PCNT: variants seen among roughly 807,000 people sequenced by gnomAD.
PCNT encodes the protein pericentrin, also known as kendrin.
PCNT carries 319 observed loss-of-function variants against 380.4 expected under a neutral mutation model. That is an observed-to-expected ratio of 0.84 (90% CI 0.77 to 0.92). PCNT has a LOEUF of 0.92. Ranked by LOEUF, PCNT falls within the 40% of genes least tolerant of loss-of-function variation. The pLI, the probability that PCNT is intolerant of heterozygous loss-of-function variation, is 0.00. For missense variants in PCNT, 4,400 were observed against 4,255.3 expected (o/e 1.03, Z -0.95); for synonymous variants, 1,845 against 1,735.2 (o/e 1.06, Z -1.57).
At chr21:46,442,815 G>A (rs1295593545) in intron 44 of PCNT, 1 of 580,698 alleles carries the variant, frequency 1.7e-6, no homozygotes, top group Non-Finnish European at 3.1e-6. Flanking sequence ...ACACTGAGAT[G>A]CTCAATATAT....
At chr21:46,404,748 G>A (rs2086574312) in intron 27 of PCNT, among the ~76,000 whole-genome samples, 1 of 152,180 alleles carries the variant, frequency 6.6e-6, no homozygotes, top group African/African-American at 2.4e-5. Context: ...TCAGGAGTTC[G>A]AGACCAGCCT....
rs1232056282 is a variant in PCNT at position 46,397,532 on chromosome 21, A to G, written c.4446+38A>G. 3.9e-6 allele frequency: 6 copies of G among 1,547,000 alleles called. No homozygotes were observed. The East Asian group carries it at 9.0e-5, about 23-fold the overall frequency. On this transcript the variant is annotated intron_variant, in intron 22 of 46. Transcript: ENST00000359568. ...AATAATACATTTTTTTGCATCACTA[A>G]AAGTTGCCGTTACAGCATGAACTTC... is the stretch of plus-strand genomic sequence containing the variant.
At chr21:46,371,892 A>G (rs1021990733) in intron 15 of PCNT, among the ~76,000 whole-genome samples, 2 of 150,362 alleles carry the variant, frequency 1.3e-5, no homozygotes, top group African/African-American at 2.5e-5. Flanking sequence ...ATGCACACAC[A>G]GCACATACAC....
intron 31 of PCNT, among the ~76,000 whole-genome samples, chr21:46,419,565 T>G (rs146779348): frequency 6.6e-6 from 1 of 152,210 alleles, no homozygotes; most frequent in Non-Finnish European, 1.5e-5. Flanking sequence ...GCAGAGCCGC[T>G]GGGAGCGTGC....
At chr21:46,423,363 G>A (rs2087337659) in intron 32 of PCNT, among the ~76,000 whole-genome samples, 2 of 151,242 alleles carry the variant, frequency 1.3e-5, no homozygotes, top group South Asian at 4.2e-4. Flanking sequence ...GCTAATTTTT[G>A]TATTTTCTGT....
At position 46,436,082 on chromosome 21, in the gene PCNT, C is replaced by T. The variant is rs146657011; in HGVS notation, c.8930C>T (p.Ala2977Val). ...CGGGAACAGCAGCGAGAGCTGGAGG[C>T]GATGAGGCAGCGGCTGCTCTCTGCC... ...HLREQQRELE[A>V]MRQRLLSAAR... The change falls in exon 39 of 47, where the codon GCG becomes GTG. Residue 2977 changes from alanine (A) to valine (V), a missense_variant. Physicochemically the swap from Ala to Val is moderately conservative, Grantham distance 64. Coordinates refer to ENST00000359568, the MANE Select transcript of PCNT (RefSeq NM_006031.6). 758 of 1,612,724 alleles carry T rather than the reference C, an allele frequency of 4.7e-4. 5 individuals are homozygous for T. The East Asian group carries it at 0.013, about 27-fold the overall frequency.
At chr21:46,421,756 T>C (rs931686389) in intron 31 of PCNT, among the ~76,000 whole-genome samples, 3 of 152,210 alleles carry the variant, frequency 2.0e-5, no homozygotes, top group African/African-American at 7.2e-5. Context: ...ACCTGTGAAG[T>C]TGCGTTTTCT....
chr21:46,373,155 G>A (rs2147025518), intron 15 of PCNT, among the ~76,000 whole-genome samples: 1 of 152,226 alleles, frequency 6.6e-6, no homozygotes, highest in East Asian at 1.9e-4. Flanking sequence ...TGAGTAGCTG[G>A]GACTACAGAT....
intron 16 of PCNT, among the ~76,000 whole-genome samples, chr21:46,383,441 G>T (rs1435986140): frequency 7.6e-6 from 1 of 131,748 alleles, no homozygotes; most frequent in East Asian, 2.5e-4. Flanking sequence ...GCGCATTCAC[G>T]GTGTTGTGCG....
rs571618089 is a variant in PCNT at position 46,429,599 on chromosome 21, T to A, written c.7691-411T>A. On this transcript the variant is annotated intron_variant, in intron 35 of 46. Coordinates refer to ENST00000359568, the MANE Select transcript of PCNT (RefSeq NM_006031.6). ...CGCCAGCCCCACGGGGTGCGGGAAGTATTTGGGAAGTAGCCCCTCCGCCCT... is the reference window on the plus strand; with the variant it reads ...CGCCAGCCCCACGGGGTGCGGGAAGAATTTGGGAAGTAGCCCCTCCGCCCT... 2.9e-3 allele frequency among the ~76,000 whole-genome samples: 446 copies of A among 152,238 alleles called. 3 individuals are homozygous for A. Among genetic ancestry groups the A allele is most frequent in the Non-Finnish European group, 4.2e-3 (283 of 67,996 alleles).
intron 17 of PCNT, among the ~76,000 whole-genome samples, chr21:46,386,860 C>T (rs1189855443): frequency 6.6e-6 from 1 of 152,172 alleles, no homozygotes; most frequent in Admixed American, 6.5e-5. Flanking sequence ...CCTTGGTGCG[C>T]GTCCTCCCCG....
intron 38 of PCNT, among the ~76,000 whole-genome samples, chr21:46,435,612 G>A (rs1255265472): frequency 1.3e-5 from 2 of 150,956 alleles, no homozygotes; most frequent in East Asian, 2.0e-4. Flanking sequence ...GCGCAATCTC[G>A]GCTCACTGCA....
At chr21:46,393,398 C>T (rs1050310225) in intron 21 of PCNT, among the ~76,000 whole-genome samples, 2 of 152,170 alleles carry the variant, frequency 1.3e-5, no homozygotes, top group African/African-American at 4.8e-5. Flanking sequence ...TGCATCTGGG[C>T]GTCCGTTGTC....
chr21:46,379,212 C>T (rs2085428415), intron 15 of PCNT, among the ~76,000 whole-genome samples: 1 of 152,214 alleles, frequency 6.6e-6, no homozygotes, highest in African/African-American at 2.4e-5. Flanking sequence ...GGGCTCTCCG[C>T]TGCCTCCCCT....
chr21:46,329,129 C>A (rs866195931), intron 2 of PCNT, among the ~76,000 whole-genome samples: 1 of 152,198 alleles, frequency 6.6e-6, no homozygotes, highest in Admixed American at 6.5e-5. Flanking sequence ...ATCTCAGGAT[C>A]CTATCAGAAA....
At chr21:46,356,356 A>C (rs912874986) in intron 12 of PCNT, among the ~76,000 whole-genome samples, 1 of 152,200 alleles carries the variant, frequency 6.6e-6, no homozygotes, top group African/African-American at 2.4e-5. Context: ...CGGCGCCTGC[A>C]TCTGGTCCTC....
Position 46,349,707 on chromosome 21 carries a change from C to G in PCNT, c.1231C>G (p.His411Asp). The G allele has an allele frequency of 6.2e-7, 1 of 1,613,934 alleles. No individual in the cohort carries two copies. The highest frequency in any genetic ancestry group is 2.2e-5 in the East Asian group (1 of 44,884). ...AERALRNLES[H>D]HQAAIEKLRE... The stretch of plus-strand genomic sequence containing the variant: ...AGGGGCCCTTAGGAACCTGGAGAGT[C>G]ATCATCAAGCAGCCATTGAGAAGTT... Residue 411 changes from histidine to aspartate, a missense_variant, in exon 8 of 47, where the codon CAT (histidine) becomes GAT (aspartate). Transcript: ENST00000359568.
intron 13 of PCNT, among the ~76,000 whole-genome samples, chr21:46,358,116 G>C (rs1048728574): frequency 6.6e-6 from 1 of 152,008 alleles, no homozygotes; most frequent in Non-Finnish European, 1.5e-5. Flanking sequence ...GAGTTAAAGT[G>C]AACCAACAGG....
At chr21:46,380,286 C>T (rs1035306980) in intron 15 of PCNT, among the ~76,000 whole-genome samples, 6 of 150,258 alleles carry the variant, frequency 4.0e-5, no homozygotes, top group Non-Finnish European at 8.9e-5. Context: ...CTCAGACTCC[C>T]GAGTAGGTGG....
Sources: gnomAD v4.1 joint callset for allele counts (sites outside exome capture counted in the v4.1 genomes callset) on GRCh38, gnomAD v4.1.1 for gene constraint, MANE v1.5 for transcripts, NCBI Gene and HGNC (gene_info 2026-07-23, HGNC 2026-07-21) for gene names.